The following C8orf74 variants were observed in gnomAD, a reference collection of about 807,000 sequenced individuals.
C8orf74 encodes the protein chromosome 8 open reading frame 74.
A neutral mutation model predicts 22.2 loss-of-function variants in C8orf74; 29 were observed. That is an observed-to-expected ratio of 1.31 (90% CI 0.97 to 1.78). The LOEUF (loss-of-function observed/expected upper bound fraction) is 1.78. C8orf74 is among the 40% of genes most tolerant of loss of function. C8orf74 has a pLI of 0.00. For missense variants in C8orf74, 515 were observed against 369.9 expected (o/e 1.39, Z -3.22); for synonymous variants, 255 against 163.1 (o/e 1.56, Z -4.30).
intron 2 of C8orf74, among the ~76,000 whole-genome samples, chr8:10,694,617 G>T (rs977077560): frequency 4.6e-5 from 7 of 152,234 alleles, no homozygotes; most frequent in African/African-American, 1.7e-4. Flanking sequence ...GTAGCTACCT[G>T]TGGAGATATT....
rs1391126706 is a variant in C8orf74 at position 10,697,621 on chromosome 8, G to A, written c.264G>A (p.Val88=). The A allele has an allele frequency of 1.2e-6, 2 of 1,613,920 alleles. No individual in the cohort carries two copies. Among genetic ancestry groups the A allele is most frequent in the South Asian group, 2.2e-5 (2 of 91,068 alleles). ...CAGGCTGCTCCATTACTGAGGCTGT[G>A]ACGATCCTGGGGAACAAGCTTAGAG... is the stretch of plus-strand genomic sequence containing the variant. ...ETKGCSITEA[V]TILGNKLRDY... Residue 88 remains valine, a synonymous_variant, in exon 3 of 4, where the codon GTG becomes GTA. Transcript: ENST00000304519.
chr8:10,679,641 C>T (rs751524088), intron 2 of C8orf74, among the ~76,000 whole-genome samples: 31 of 152,234 alleles, frequency 2.0e-4, no homozygotes, highest in Non-Finnish European at 3.7e-4. Context: ...TTGGCCCCTC[C>T]GCGTTGGGCC....
chr8:10,699,112 A>G (rs974175294), intron 3 of C8orf74, among the ~76,000 whole-genome samples: 1 of 152,314 alleles, frequency 6.6e-6, no homozygotes, highest in African/African-American at 2.4e-5. Context: ...GGCCCCCTGC[A>G]GGGACCTTGC....
chr8:10,675,247 G>A (rs528798721), intron 2 of C8orf74, among the ~76,000 whole-genome samples: 4 of 152,356 alleles, frequency 2.6e-5, no homozygotes, highest in Admixed American at 2.6e-4. Context: ...GAGTCCTGGA[G>A]CTTGCTCACG....
chr8:10,681,661 C>A (rs916141204), intron 2 of C8orf74, among the ~76,000 whole-genome samples: 3 of 152,238 alleles, frequency 2.0e-5, no homozygotes, highest in Non-Finnish European at 2.9e-5. Context: ...ACCACTCTGA[C>A]CTCTGTGCTG....
chr8:10,672,706 A>C lies in C8orf74; in HGVS notation c.41A>C (p.Gln14Pro), dbSNP rs762873573. ...LTPQGVKEVF[Q>P]LQRPQGRERL... ...CCCCAGGGAGTGAAAGAAGTCTTCC[A>C]ACTTCAGGTGAAGGAAGAGAAAATG... The change falls in exon 1 of 4, where the codon CAA (glutamine) becomes CCA (proline). Residue 14 changes from glutamine to proline, a missense_variant. Coordinates refer to ENST00000304519, the MANE Select transcript of C8orf74 (RefSeq NM_001040032.2). 10 of 1,561,946 alleles carry C rather than the reference A, an allele frequency of 6.4e-6. No individual in the cohort carries two copies. In the South Asian group the frequency reaches 1.2e-4, roughly 18 times the overall value.
In C8orf74 at chr8:10,676,993, G is replaced by A. The variant is rs145248141; in HGVS notation, c.241+2155G>A. Among the ~76,000 whole-genome samples, 5 of 152,276 alleles carry A rather than the reference G, an allele frequency of 3.3e-5. No homozygotes were observed. The East Asian group carries it at 7.7e-4, about 23-fold the overall frequency. On this transcript the variant is annotated intron_variant, in intron 2 of 3. Transcript: ENST00000304519. ...CCCAACTTCAACCCAAGATTAGGGC[G>A]CTCTGGAGCTTTCGGCACTTCTGGT...
intron 2 of C8orf74, chr8:10,691,191 T>C (rs917857628): frequency 5.8e-6 from 2 of 342,880 alleles, no homozygotes; most frequent in Admixed American, 7.5e-5. Flanking sequence ...CCTTCCCTGT[T>C]GACCCAGGAC....
At chr8:10,676,840 G>T (rs1324951076) in intron 2 of C8orf74, among the ~76,000 whole-genome samples, 27 of 152,114 alleles carry the variant, frequency 1.8e-4, no homozygotes, top group Admixed American at 1.8e-3. Context: ...GGGGCTCGTG[G>T]CCAGAACAAA....
At chr8:10,684,530 C>T (rs1799220452) in intron 2 of C8orf74, among the ~76,000 whole-genome samples, 1 of 152,180 alleles carries the variant, frequency 6.6e-6, no homozygotes, top group South Asian at 2.1e-4. Flanking sequence ...ATTTCTAATC[C>T]TAGTGTTTGA....
At chr8:10,684,808 G>A (rs941503752) in intron 2 of C8orf74, among the ~76,000 whole-genome samples, 1 of 152,200 alleles carries the variant, frequency 6.6e-6, no homozygotes, top group Non-Finnish European at 1.5e-5. Context: ...AGCACTTGGT[G>A]GCTTCTGTTT....
At position 10,676,018 on chromosome 8, in the gene C8orf74, G is replaced by T. The variant is rs180805924; in HGVS notation, c.241+1180G>T. On this transcript the variant is annotated intron_variant, in intron 2 of 3. Transcript: ENST00000304519. ...GGTGAGGGTCTGGATCGGATGGGTCGTGATGATGAATGTTCTTGCTTTAGG... is the reference window on the plus strand; with the variant it reads ...GGTGAGGGTCTGGATCGGATGGGTCTTGATGATGAATGTTCTTGCTTTAGG... 2.0e-5 allele frequency among the ~76,000 whole-genome samples: 3 copies of T among 152,096 alleles called. No homozygotes were observed. In the East Asian group the frequency reaches 5.8e-4, roughly 29 times the overall value.
At chr8:10,698,437 A>T (rs553068040) in intron 3 of C8orf74, among the ~76,000 whole-genome samples, 1 of 152,184 alleles carries the variant, frequency 6.6e-6, no homozygotes, top group African/African-American at 2.4e-5. Flanking sequence ...GGAGGCAGGG[A>T]CATGGGGACA....
At chr8:10,678,683 G>A (rs935102521) in intron 2 of C8orf74, among the ~76,000 whole-genome samples, 2 of 152,096 alleles carry the variant, frequency 1.3e-5, no homozygotes, top group Non-Finnish European at 2.9e-5. Flanking sequence ...GTTCTGCCCA[G>A]TGGGTGACTG....
At chr8:10,684,128 T>A (rs913118849) in intron 2 of C8orf74, among the ~76,000 whole-genome samples, 1 of 152,180 alleles carries the variant, frequency 6.6e-6, no homozygotes, top group Non-Finnish European at 1.5e-5. Context: ...TCTGCCCATA[T>A]CATCTCATTT....
intron 2 of C8orf74, among the ~76,000 whole-genome samples, chr8:10,681,919 C>T (rs920094968): frequency 1.3e-5 from 2 of 152,152 alleles, no homozygotes; most frequent in African/African-American, 4.8e-5. Flanking sequence ...AAATGCTGCC[C>T]AGGTAGCCTA....
intron 2 of C8orf74, chr8:10,690,863 C>T (rs976102985): frequency 4.4e-6 from 2 of 456,160 alleles, no homozygotes; most frequent in Non-Finnish European, 8.8e-6. Flanking sequence ...GCTGCATATC[C>T]TCGCAGGTGC....
chr8:10,691,900 C>T (rs1467921972), intron 2 of C8orf74: 1 of 152,424 alleles, frequency 6.6e-6, no homozygotes, highest in African/African-American at 2.4e-5. Flanking sequence ...CCGCAGAATC[C>T]AGTTTTGCCT....
chr8:10,699,281 A>G (rs954222727), intron 3 of C8orf74, among the ~76,000 whole-genome samples: 5 of 152,096 alleles, frequency 3.3e-5, no homozygotes, highest in African/African-American at 1.2e-4. Context: ...AGCCCCCTAC[A>G]CTGTGTGCCC....
Sources: allele counts gnomAD v4.1 joint callset (sites outside exome capture counted in the v4.1 genomes callset), GRCh38; gene constraint gnomAD v4.1.1; transcripts MANE v1.5; gene names NCBI Gene and HGNC (gene_info 2026-07-23, HGNC 2026-07-21).